The following METTL8 variants were observed in gnomAD, a reference collection of about 807,000 sequenced individuals.
METTL8 encodes the protein methyltransferase 8, tRNA N3-cytidine, also known as tRNA N(3)-cytidine methyltransferase METTL8, mitochondrial.
METTL8 carries 32 observed loss-of-function variants against 48.7 expected under a neutral mutation model. That is an observed-to-expected ratio of 0.66 (90% confidence interval 0.50 to 0.88). METTL8 has a LOEUF of 0.88. Among genes scored for constraint, METTL8 ranks in the 40% least tolerant of loss-of-function variants. The probability of loss-of-function intolerance (pLI) is 0.00; values close to 1 mark genes in which losing one functional copy is unlikely to be tolerated. For missense variants in METTL8, 464 were observed against 474.4 expected, an observed-to-expected ratio of 0.98 and a Z score of 0.20; for synonymous variants, 136 against 157.1, an observed-to-expected ratio of 0.87 and a Z score of 1.01.
At chr2:171,354,472 G>A (rs1441310658) in intron 3 of METTL8, among the ~76,000 whole-genome samples, 14 of 151,802 alleles carry the variant, frequency 9.2e-5, no homozygotes, top group African/African-American at 3.1e-4. Context: ...TCTTTGTGGC[G>A]TTCTCTGTAT....
At position 171,316,236 on chromosome 2, in the gene METTL8, C is replaced by T. The variant is rs1268039521; in HGVS notation, c.*7936G>A. ...GAATGAGCAGGACTTAATTCTCATG[C>T]CGGCATGGGGCTGCCGGGCACCCAG... On this transcript the variant is annotated 3_prime_UTR_variant, in exon 10 of 10. Transcript: ENST00000375258. 6.6e-6 allele frequency among the ~76,000 whole-genome samples: 1 copy of T among 152,178 alleles called. No individual in the cohort carries two copies. The highest frequency in any genetic ancestry group is 2.4e-5 in the African/African-American group (1 of 41,444).
chr2:171,369,130 C>T (rs189035427), intron 2 of METTL8, among the ~76,000 whole-genome samples: 1 of 151,974 alleles, frequency 6.6e-6, no homozygotes, highest in Non-Finnish European at 1.5e-5. Context: ...ACGGTGAAAC[C>T]CCGTCTCCAC....
At chr2:171,350,719 A>G (rs1010238606) in intron 3 of METTL8, among the ~76,000 whole-genome samples, 1 of 152,188 alleles carries the variant, frequency 6.6e-6, no homozygotes, top group African/African-American at 2.4e-5. Flanking sequence ...GCCAGTGATG[A>G]TGAGCATTTT....
intron 1 of METTL8, among the ~76,000 whole-genome samples, chr2:171,430,869 T>A (rs1035757347): frequency 6.6e-6 from 1 of 152,138 alleles, no homozygotes; most frequent in African/African-American, 2.4e-5. Context: ...ATTTTACATA[T>A]ACCCACCCTT....
chr2:171,325,860 T>C lies in METTL8; in HGVS notation c.1014A>G (p.Arg338=). ...ENFYVRGDGT[R]AYFFTKGEVH... is the part of the protein sequence containing the mutation. ...GCATACCTTTTGTAAAGAAATATGC[T>C]CTGGTACCATCTCCTCGAACATAAA... The change falls in exon 9 of 10, where the codon AGA becomes AGG. Residue 338 remains arginine, a synonymous_variant. Transcript: ENST00000375258. 1 of 1,593,710 alleles carries C rather than the reference T, an allele frequency of 6.3e-7. No homozygotes were observed. Among genetic ancestry groups the C allele is most frequent in the South Asian group, 1.1e-5 (1 of 87,922 alleles).
At chr2:171,339,141 AAATT>A in intron 4 of METTL8, 39 bp downstream of exon 4, 1 of 1,411,700 alleles carries the variant, frequency 7.1e-7, no homozygotes, top group South Asian at 2.0e-5. Context: ...GTACATTTTC[AAATT>A]ATTTGTCACC....
At chr2:171,372,016 CA>C (rs1686412398) in intron 2 of METTL8, among the ~76,000 whole-genome samples, 1 of 151,890 alleles carries the variant, frequency 6.6e-6, no homozygotes, top group Admixed American at 6.6e-5. Flanking sequence ...GTGTGACTAA[CA>C]AAAAACACAA....
intron 1 of METTL8, among the ~76,000 whole-genome samples, chr2:171,407,457 C>A (rs1488663493): frequency 6.6e-6 from 1 of 151,934 alleles, no homozygotes; most frequent in Non-Finnish European, 1.5e-5. Context: ...ACAGTAAACA[C>A]TGTAACAATG....
chr2:171,421,384 C>T lies in METTL8; in HGVS notation c.-13+12499G>A, dbSNP rs112316168. Among the ~76,000 whole-genome samples the T allele has an allele frequency of 9.9e-3, 1,512 of 152,110 alleles. 26 individuals are homozygous for T. The highest frequency in any genetic ancestry group is 0.035 in the African/African-American group (1,442 of 41,454). On this transcript the variant is annotated intron_variant, in intron 1 of 9. Transcript: ENST00000375258. ...AGCCTAGGAGTTTGAGGCTTTAATG[C>T]ACGATGATCACACATGTGAATAGCC...
chr2:171,388,928 G>A (rs1361275622), intron 2 of METTL8, among the ~76,000 whole-genome samples: 1 of 152,140 alleles, frequency 6.6e-6, no homozygotes, highest in Non-Finnish European at 1.5e-5. Context: ...ATTGATAAAT[G>A]TTATGTGTGT....
chr2:171,425,022 C>CATGAG (rs1320330891), intron 1 of METTL8, among the ~76,000 whole-genome samples: 4 of 152,136 alleles, frequency 2.6e-5, no homozygotes, highest in Admixed American at 1.3e-4. Context: ...AGTGTGTTCT[C>CATGAG]ATGAGATCTG....
At chr2:171,355,622 C>T (rs755952266) in intron 3 of METTL8, among the ~76,000 whole-genome samples, 34 of 152,328 alleles carry the variant, frequency 2.2e-4, no homozygotes, top group Non-Finnish European at 3.1e-4. Flanking sequence ...ACACCCAGTT[C>T]GAGCTTCCCG....
At chr2:171,401,355 T>C (rs1478246897) in intron 1 of METTL8, among the ~76,000 whole-genome samples, 2 of 152,166 alleles carry the variant, frequency 1.3e-5, no homozygotes, top group East Asian at 1.9e-4. Flanking sequence ...AGGCAACTCA[T>C]GCATCTTGTT....
At chr2:171,380,052 A>C (rs528162475) in intron 2 of METTL8, among the ~76,000 whole-genome samples, 9 of 152,216 alleles carry the variant, frequency 5.9e-5, no homozygotes, top group African/African-American at 2.2e-4. Context: ...CTTATCCACC[A>C]ATCAACTTGG....
At chr2:171,351,049 C>T (rs1250467373) in intron 3 of METTL8, among the ~76,000 whole-genome samples, 1 of 152,092 alleles carries the variant, frequency 6.6e-6, no homozygotes, top group Non-Finnish European at 1.5e-5. Flanking sequence ...ATGCCTATGT[C>T]CTGAATGGTA....
chr2:171,361,253 CT>C (rs67676770), intron 2 of METTL8, among the ~76,000 whole-genome samples: 4,924 of 143,232 alleles, frequency 0.034, 101 homozygotes, highest in East Asian at 0.081. Flanking sequence ...ACAAAGTTTG[CT>C]TTTTTTTTTT....
At chr2:171,402,822 G>A (rs975917187) in intron 1 of METTL8, among the ~76,000 whole-genome samples, 1 of 152,054 alleles carries the variant, frequency 6.6e-6, no homozygotes, top group Non-Finnish European at 1.5e-5. Flanking sequence ...AGAAAGTAAG[G>A]AAGTGCACAC....
At chr2:171,373,803 T>A (rs1169720137) in intron 2 of METTL8, among the ~76,000 whole-genome samples, 1 of 152,208 alleles carries the variant, frequency 6.6e-6, no homozygotes, top group African/African-American at 2.4e-5. Flanking sequence ...TGTGTGGTAT[T>A]ATTTCTGAGG....
intron 3 of METTL8, among the ~76,000 whole-genome samples, chr2:171,350,989 T>C (rs951080453): frequency 6.6e-6 from 1 of 152,258 alleles, no homozygotes; most frequent in Non-Finnish European, 1.5e-5. Context: ...TTGTCAACTT[T>C]GGCTTTTGTT....
Sources: gnomAD v4.1 joint callset for allele counts (sites outside exome capture counted in the v4.1 genomes callset) on GRCh38, gnomAD v4.1.1 for gene constraint, MANE v1.5 for transcripts, NCBI Gene and HGNC (gene_info 2026-07-23, HGNC 2026-07-21) for gene names.